STPG2: variants seen among roughly 807,000 people sequenced by gnomAD.
STPG2 encodes the protein sperm tail PG-rich repeat containing 2, also known as sperm-tail PG-rich repeat-containing protein 2.
Under a neutral mutation model 54.2 loss-of-function variants are expected in STPG2, and 56 were observed. The observed-to-expected ratio is 1.03, with a 90% CI of 0.83 to 1.29. STPG2 has a LOEUF of 1.29. Ranked by LOEUF, STPG2 falls within the 50% of genes most tolerant of loss-of-function variation. The pLI, the probability that STPG2 is intolerant of heterozygous loss-of-function variation, is 0.00. For missense variants in STPG2, 596 were observed against 544.9 expected (o/e 1.09, Z -0.93); for synonymous variants, 200 against 181.8 (o/e 1.10, Z -0.81).
chr4:97,957,244 C>G (rs783950), intron 7 of STPG2, among the ~76,000 whole-genome samples: 2 of 145,624 alleles, frequency 1.4e-5, no homozygotes, highest in South Asian at 2.2e-4. Context: ...ACAATCAAAA[C>G]TTCAGTAAAC....
At chr4:97,855,538 T>A (rs745711794) in intron 8 of STPG2, among the ~76,000 whole-genome samples, 2 of 152,152 alleles carry the variant, frequency 1.3e-5, no homozygotes, top group Non-Finnish European at 2.9e-5. Context: ...TCTTGTAAAT[T>A]TAAGTTCCTG....
At chr4:97,482,103 T>C (rs1356143398) in intron 4 of STPG2, among the ~76,000 whole-genome samples, 1 of 151,612 alleles carries the variant, frequency 6.6e-6, no homozygotes, top group Non-Finnish European at 1.5e-5. Context: ...ATTTTTTTCT[T>C]TTTTAATCTA....
intron 10 of STPG2, among the ~76,000 whole-genome samples, chr4:97,570,411 T>C (rs891012806): frequency 6.6e-6 from 1 of 152,120 alleles, no homozygotes; most frequent in East Asian, 1.9e-4. Flanking sequence ...TATAAATGAT[T>C]GTTGAGCTGA....
chr4:97,955,211 GA>G (rs905181325), intron 7 of STPG2, among the ~76,000 whole-genome samples: 8 of 135,294 alleles, frequency 5.9e-5, no homozygotes, highest in African/African-American at 1.7e-4. Flanking sequence ...TAATACAGAA[GA>G]ATTTTTTTTT....
chr4:97,547,096 A>G (rs1578379154), intron 4 of STPG2, among the ~76,000 whole-genome samples: 1 of 152,150 alleles, frequency 6.6e-6, no homozygotes, highest in African/African-American at 2.4e-5. Flanking sequence ...CAAATGAAAG[A>G]AGTTCAATAC....
At chr4:97,569,914 A>G (rs1175828730) in intron 10 of STPG2, among the ~76,000 whole-genome samples, 1 of 152,144 alleles carries the variant, frequency 6.6e-6, no homozygotes, top group Non-Finnish European at 1.5e-5. Flanking sequence ...CTCATCAAAA[A>G]GAGACAAATA....
chr4:97,601,764 A>G (rs1160897667), intron 10 of STPG2, among the ~76,000 whole-genome samples: 1 of 151,962 alleles, frequency 6.6e-6, no homozygotes, highest in Non-Finnish European at 1.5e-5. Context: ...TTTCTCCAGA[A>G]TGTTCTTCCT....
At chr4:97,673,598 G>A (rs894445939) in intron 10 of STPG2, among the ~76,000 whole-genome samples, 1 of 151,976 alleles carries the variant, frequency 6.6e-6, no homozygotes, top group Non-Finnish European at 1.5e-5. Context: ...TCATTAAATT[G>A]TCAACTGAGG....
intron 10 of STPG2, among the ~76,000 whole-genome samples, chr4:97,701,068 T>C (rs188146546): frequency 6.6e-6 from 1 of 152,322 alleles, no homozygotes; most frequent in East Asian, 1.9e-4. Flanking sequence ...ATAGTGGCAC[T>C]AATCTCTGCA....
chr4:97,929,764 G>A (rs138400885), intron 8 of STPG2, among the ~76,000 whole-genome samples: 295 of 152,166 alleles, frequency 1.9e-3, no homozygotes, highest in African/African-American at 7.0e-3. Context: ...CCTTATAGAT[G>A]CTGCATATTA....
chr4:97,824,491 T>G (rs1728191469), intron 9 of STPG2, among the ~76,000 whole-genome samples: 1 of 152,162 alleles, frequency 6.6e-6, no homozygotes, highest in East Asian at 1.9e-4. Flanking sequence ...TATGAATTTG[T>G]CTTTCTGTAT....
At chr4:97,729,122 G>C (rs1031416274) in intron 9 of STPG2, among the ~76,000 whole-genome samples, 16 of 130,800 alleles carry the variant, frequency 1.2e-4, no homozygotes, top group Non-Finnish European at 1.5e-4. Context: ...AAACAGAAAA[G>C]AGTCATAACT....
In STPG2 at chr4:97,860,786, T is replaced by G. The variant is rs557897921; in HGVS notation, c.1045-19854A>C. On this transcript the variant is annotated intron_variant, in intron 8 of 10. Transcript: ENST00000295268. ...TTTTATTACTTTCTCTTCTCTGATT[T>G]CTCTGGCTAAAATTTCAACTACTAT... is the stretch of plus-strand genomic sequence containing the variant. 3.3e-5 allele frequency among the ~76,000 whole-genome samples: 5 copies of G among 152,302 alleles called. No individual in the cohort carries two copies. The South Asian group carries it at 6.2e-4, about 19-fold the overall frequency.
rs192872304 is a variant in STPG2 at position 97,750,151 on chromosome 4, G to C, written c.1205-37337C>G. On this transcript the variant is annotated intron_variant, in intron 9 of 10. Transcript: ENST00000295268. Reference sequence around the variant, plus strand: ...GCTTTCTTGCAGTTTTTCTTTGCTGGTGCATGGGATTTTTTCTGCCAACCT... The same window carrying C: ...GCTTTCTTGCAGTTTTTCTTTGCTGCTGCATGGGATTTTTTCTGCCAACCT... Among the ~76,000 whole-genome samples, 1,090 of 151,818 alleles carry C rather than the reference G, an allele frequency of 7.2e-3. 15 individuals carry two copies. The highest frequency in any genetic ancestry group is 7.6e-3 in the Non-Finnish European group (515 of 67,796).
intron 9 of STPG2, among the ~76,000 whole-genome samples, chr4:97,730,119 A>T (rs753157969): frequency 9.2e-5 from 14 of 152,126 alleles, no homozygotes; most frequent in Non-Finnish European, 1.3e-4. Flanking sequence ...GTGCATAGTA[A>T]GCAGTAGGCA....
rs568946779 is a variant in STPG2 at position 97,560,729 on chromosome 4, C to T, written c.1321-1612G>A. Among the ~76,000 whole-genome samples, 43 of 152,144 alleles carry T rather than the reference C, an allele frequency of 2.8e-4. 1 individual carries two copies. The highest frequency in any genetic ancestry group is 1.5e-3 in the South Asian group (7 of 4,820). On this transcript the variant is annotated intron_variant, in intron 10 of 10. Coordinates refer to ENST00000295268, the MANE Select transcript of STPG2 (RefSeq NM_174952.3). ...ATCTGGTAGCATGGAACATTTGTTT[C>T]GAAAGAGCCAGTACAACATAGTAAA...
chr4:98,089,805 C>T (rs569934121), intron 5 of STPG2, among the ~76,000 whole-genome samples: 4 of 151,418 alleles, frequency 2.6e-5, no homozygotes, highest in African/African-American at 9.7e-5. Context: ...TGATAATTAG[C>T]GATGTACATT....
At chr4:97,738,265 T>C (rs1725089505) in intron 9 of STPG2, among the ~76,000 whole-genome samples, 1 of 152,062 alleles carries the variant, frequency 6.6e-6, no homozygotes, top group Non-Finnish European at 1.5e-5. Context: ...TCATGCCAAA[T>C]TGTAAAGACC....
chr4:97,515,230 T>C (rs1294178094), intron 4 of STPG2, among the ~76,000 whole-genome samples: 1 of 152,104 alleles, frequency 6.6e-6, no homozygotes, highest in Admixed American at 6.6e-5. Flanking sequence ...GGTTGCATTA[T>C]AATAAGTAGT....
Sources: gnomAD v4.1 joint callset for allele counts (sites outside exome capture counted in the v4.1 genomes callset) on GRCh38, gnomAD v4.1.1 for gene constraint, MANE v1.5 for transcripts, NCBI Gene and HGNC (gene_info 2026-07-23, HGNC 2026-07-21) for gene names.